Variants in MTHFSD observed in about 807,000 individuals in gnomAD.
The protein encoded by MTHFSD is methenyltetrahydrofolate synthetase domain containing, also known as methenyltetrahydrofolate synthase domain-containing protein.
Under a neutral mutation model 31.1 loss-of-function variants are expected in MTHFSD, and 37 were observed. The observed-to-expected ratio is 1.19, with a 90% confidence interval of 0.91 to 1.56. MTHFSD has a LOEUF of 1.56. Ranked by LOEUF, MTHFSD falls within the 40% of genes most tolerant of loss-of-function variation. The pLI is 0.00. For synonymous variants in MTHFSD, 221 were observed against 206.9 expected, an observed-to-expected ratio of 1.07 and a Z score of -0.59; for missense variants, 664 against 510.1, an observed-to-expected ratio of 1.30 and a Z score of -2.91.
At chr16:86,541,980 TG>T in intron 6 of MTHFSD, 120 bp downstream of exon 6, 1 of 1,342,202 alleles carries the variant, frequency 7.5e-7, no homozygotes, top group Non-Finnish European at 1.0e-6. Flanking sequence ...AGTCCAGCCC[TG>T]GCTGATCCAC....
At chr16:86,552,554 C>G (rs1445247562) in intron 2 of MTHFSD, among the ~76,000 whole-genome samples, 1 of 152,202 alleles carries the variant, frequency 6.6e-6, no homozygotes, top group African/African-American at 2.4e-5. Flanking sequence ...AAAATGAAGG[C>G]TGCTGTGTAA....
Position 86,532,199 on chromosome 16 carries a change from GGTCA to G in MTHFSD, c.960_963del (p.Asp321Ter), listed in dbSNP as rs905561703. On this transcript the variant is annotated frameshift_variant, in exon 8 of 8. Coordinates refer to ENST00000360900, the MANE Select transcript of MTHFSD (RefSeq NM_001159377.2). LOFTEE classifies it low-confidence loss of function (END_TRUNC). ...CCGAGTTCCCGCAGGGCTCTCTTCA[GGTCA>G]CTCACACGGGCGTCCCCGGGGAGGT... 1.9e-6 allele frequency: 3 copies of G among 1,586,916 alleles called. No individual in the cohort carries two copies. The highest frequency in any genetic ancestry group is 8.6e-7 in the Non-Finnish European group (1 of 1,167,048).
intron 5 of MTHFSD, among the ~76,000 whole-genome samples, chr16:86,543,936 C>G (rs1971898036): frequency 6.6e-6 from 1 of 152,226 alleles, no homozygotes; most frequent in Non-Finnish European, 1.5e-5. Context: ...ATGAATGGTG[C>G]ATGCCAGGGA....
In MTHFSD at chr16:86,546,498, G is replaced by A; in HGVS notation, c.442+61C>T. 3.5e-6 allele frequency: 5 copies of A among 1,445,246 alleles called. No individual in the cohort carries two copies. The South Asian group carries it at 4.6e-5, about 13-fold the overall frequency. The allele number at this position is 1,445,246 out of a possible 1,614,324, so 89.5% of individuals were successfully genotyped here. On this transcript the variant is annotated intron_variant, in intron 5 of 7. Coordinates refer to ENST00000360900, the MANE Select transcript of MTHFSD (RefSeq NM_001159377.2). Reference sequence around the variant, plus strand: ...GCGACTTTTGAAAGACAAACAGCCTGGCACGCAGCCGCCTTCAGGCAGAGC... The same window carrying A: ...GCGACTTTTGAAAGACAAACAGCCTAGCACGCAGCCGCCTTCAGGCAGAGC...
intron 7 of MTHFSD, among the ~76,000 whole-genome samples, chr16:86,539,526 G>A (rs1971187474): frequency 6.6e-6 from 1 of 152,210 alleles, no homozygotes; most frequent in Admixed American, 6.5e-5. Context: ...TGGAGAGTGT[G>A]TTGGAAGTTA....
chr16:86,549,454 A>G (rs1410148028), intron 3 of MTHFSD, among the ~76,000 whole-genome samples: 1 of 152,228 alleles, frequency 6.6e-6, no homozygotes, highest in Non-Finnish European at 1.5e-5. Context: ...ATTTCAACAA[A>G]GGCTTGTCAA....
chr16:86,535,139 T>G (rs191099602), intron 7 of MTHFSD: 1 of 701,670 alleles, frequency 1.4e-6, no homozygotes, highest in Admixed American at 6.3e-5. Context: ...TGAAGAATAA[T>G]GAAAACATCT....
intron 7 of MTHFSD, among the ~76,000 whole-genome samples, chr16:86,538,898 G>A (rs1432449344): frequency 6.6e-6 from 1 of 152,168 alleles, no homozygotes; most frequent in African/African-American, 2.4e-5. Flanking sequence ...GTCACCCTGA[G>A]TTTCACGGGT....
chr16:86,554,497 C>A (rs969283537), intron 2 of MTHFSD, 148 bp downstream of exon 2: 2 of 665,716 alleles, frequency 3.0e-6, no homozygotes, highest in African/African-American at 3.6e-5. Context: ...CTAAGGACGC[C>A]CTGGCCAAAT....
intron 7 of MTHFSD, among the ~76,000 whole-genome samples, chr16:86,538,537 GGCT>G (rs1263243638): frequency 2.0e-5 from 3 of 152,240 alleles, no homozygotes; most frequent in Non-Finnish European, 4.4e-5. Flanking sequence ...CAGTGGCCAG[GGCT>G]GCTCGACACT....
intron 7 of MTHFSD, 154 bp downstream of exon 7, chr16:86,541,543 G>T: frequency 9.7e-7 from 1 of 1,027,246 alleles, no homozygotes; most frequent in South Asian, 1.6e-5. Context: ...CCTGGACATG[G>T]TCATTCAGGA....
intron 5 of MTHFSD, 87 bp downstream of exon 5, chr16:86,546,472 G>A (rs1348160277): frequency 1.7e-6 from 2 of 1,184,250 alleles, no homozygotes; most frequent in Non-Finnish European, 2.5e-6. Flanking sequence ...AGACACCACT[G>A]GCGACTTTTG....
chr16:86,541,846 A>G, intron 6 of MTHFSD, 24 bp from the exon 7 acceptor site: 1 of 1,612,828 alleles, frequency 6.2e-7, no homozygotes, highest in South Asian at 1.1e-5. Context: ...GGAGGGATAA[A>G]GGGGCTGCTG....
intron 4 of MTHFSD, chr16:86,547,266 C>CTAATGCAGGCA (rs1972459290): frequency 1.4e-5 from 14 of 985,800 alleles, no homozygotes; most frequent in Non-Finnish European, 1.6e-5. Flanking sequence ...CCGCTTTATA[C>CTAATGCAGGCA]TAATGCAGGC....
At chr16:86,554,432 C>A (rs1231127907) in intron 2 of MTHFSD, among the ~76,000 whole-genome samples, 1 of 152,164 alleles carries the variant, frequency 6.6e-6, no homozygotes, top group East Asian at 1.9e-4. Context: ...AACCAAACCA[C>A]CCTGCACAGA....
intron 7 of MTHFSD, chr16:86,540,646 C>A (rs1181778657): frequency 1.0e-6 from 1 of 983,892 alleles, no homozygotes; most frequent in Non-Finnish European, 1.2e-6. Flanking sequence ...TGCTCTGTCT[C>A]GTGCATTGGC....
intron 7 of MTHFSD, chr16:86,533,724 T>C (rs1970288293): frequency 6.6e-6 from 1 of 152,192 alleles, no homozygotes. Flanking sequence ...TTCTGTACAA[T>C]TTCCCAGGGT....
rs780392758 is a variant in MTHFSD at position 86,552,068 on chromosome 16, T to C, written c.202A>G (p.Lys68Glu). 1 of 1,614,222 alleles carries C rather than the reference T, an allele frequency of 6.2e-7. No individual in the cohort carries two copies. Among genetic ancestry groups the C allele is most frequent in the South Asian group, 1.1e-5 (1 of 91,086 alleles). ...AGCAGCCGAACGCCTTCCAGTGGTT[T>C]ATCAGGGTCCACTTTAACTTCCTGT... is the stretch of plus-strand genomic sequence containing the variant. ...RTQEVKVDPDKPLEGVRLLVL... is the reference protein window; with the variant it reads ...RTQEVKVDPDEPLEGVRLLVL... The change falls in exon 3 of 8, where the codon AAA (lysine) becomes GAA (glutamate). Residue 68 changes from lysine (K) to glutamate (E), a missense_variant. Lys to Glu is a moderately conservative substitution (Grantham distance 56). Transcript: ENST00000360900.
At chr16:86,544,379 A>G (rs1227866920) in intron 5 of MTHFSD, among the ~76,000 whole-genome samples, 1 of 152,212 alleles carries the variant, frequency 6.6e-6, no homozygotes, top group Non-Finnish European at 1.5e-5. Flanking sequence ...ACAAATTTAC[A>G]AGAAAAAAAC....
Sources: gnomAD v4.1 joint callset for allele counts (sites outside exome capture counted in the v4.1 genomes callset) on GRCh38, gnomAD v4.1.1 for gene constraint, MANE v1.5 for transcripts, NCBI Gene and HGNC (gene_info 2026-07-23, HGNC 2026-07-21) for gene names.